The following ZNF540 variants were observed in gnomAD, a reference collection of about 807,000 sequenced individuals.
The protein encoded by ZNF540 is CTD-3064H18.6.
Under a neutral mutation model 11.8 loss-of-function variants are expected in ZNF540, and 3 were observed. The observed-to-expected ratio is 0.25, with a 90% CI of 0.12 to 0.65. The LOEUF is 0.65. Among genes scored for constraint, ZNF540 ranks in the 30% least tolerant of loss-of-function variants. The pLI, the probability that ZNF540 is intolerant of heterozygous loss-of-function variation, is 0.83. For synonymous variants in ZNF540, 247 were observed against 259.0 expected, an observed-to-expected ratio of 0.95 and a Z score of 0.45; for missense variants, 709 against 793.1, an observed-to-expected ratio of 0.89 and a Z score of 1.27.
At position 37,611,991 on chromosome 19, in the gene ZNF540, T is replaced by TG; in HGVS notation, c.711_712insG (p.Thr238AspfsTer3). ...AACTTACTCTGCATCAGAGATTTCA[T>TG]ACTGGTGAGAAACCCTATGAATGTC... On this transcript the variant is annotated frameshift_variant, in exon 5 of 5. Transcript: ENST00000316433. LOFTEE classifies it low-confidence loss of function (END_TRUNC). 6.2e-7 allele frequency: 1 copy of TG among 1,613,732 alleles called. No homozygotes were observed.
chr19:37,589,886 A>AAAAAAAAAC (rs1265931459), upstream of ZNF540, among the ~76,000 whole-genome samples: 6 of 149,932 alleles, frequency 4.0e-5, no homozygotes, highest in Non-Finnish European at 5.9e-5. Flanking sequence ...AAAAAAAAAA[A>AAAAAAAAAC]AGCACACTTG....
Position 37,612,933 on chromosome 19 carries a change from T to C in ZNF540, c.1653T>C (p.Tyr551=). Residue 551 remains tyrosine, a synonymous_variant, in exon 5 of 5, where the codon TAT becomes TAC. Transcript: ENST00000316433. ...HLKIHSGLKP[Y]DCKECGKSFS... ...AAATTCATTCTGGTTTAAAACCCTA[T>C]GACTGTAAAGAATGTGGGAAGTCCT... is the stretch of plus-strand genomic sequence containing the variant. 1 of 1,614,154 alleles carries C rather than the reference T, an allele frequency of 6.2e-7. No individual in the cohort carries two copies. Among genetic ancestry groups the C allele is most frequent in the Non-Finnish European group, 8.5e-7 (1 of 1,180,002 alleles).
intron 1 of ZNF540, among the ~76,000 whole-genome samples, chr19:37,596,226 T>A (rs1244510871): frequency 6.6e-6 from 1 of 152,228 alleles, no homozygotes; most frequent in Non-Finnish European, 1.5e-5. Flanking sequence ...TGTTTGAAGA[T>A]ATTCGCGTCA....
At chr19:37,611,195 AT>A (rs34748868) in intron 4 of ZNF540, 91,255 of 154,960 alleles carry the variant, frequency 0.59, 26,874 homozygotes, top group East Asian at 0.7. Context: ...CCAATTTTGT[AT>A]TTTTTTTTTT....
intron 1 of ZNF540, among the ~76,000 whole-genome samples, chr19:37,582,070 C>T (rs1427728174): frequency 6.6e-6 from 1 of 152,040 alleles, no homozygotes; most frequent in Non-Finnish European, 1.5e-5. Flanking sequence ...TTCTTAAAAC[C>T]TTCTAAAATA....
Position 37,612,346 on chromosome 19 carries a change from G to A in ZNF540, c.1066G>A (p.Glu356Lys), listed in dbSNP as rs1312355788. ...AATTCATACTGGTGTAAAACCCTACGAATGTAAGGAATGTGGAAAGACCTT... is the reference window on the plus strand; with the variant it reads ...AATTCATACTGGTGTAAAACCCTACAAATGTAAGGAATGTGGAAAGACCTT... ...QKIHTGVKPY[E>K]CKECGKTFRL... is the part of the protein sequence containing the mutation. Residue 356 changes from glutamate to lysine, a missense_variant, in exon 5 of 5, where the codon GAA (glutamate) becomes AAA (lysine). Glu to Lys is a moderately conservative substitution (Grantham distance 56, BLOSUM62 1). Coordinates refer to ENST00000316433, the MANE Select transcript of ZNF540 (RefSeq NM_001172225.3). 3 of 1,613,944 alleles carry A rather than the reference G, an allele frequency of 1.9e-6. No homozygotes were observed. The highest frequency in any genetic ancestry group is 1.7e-6 in the Non-Finnish European group (2 of 1,180,016).
At chr19:37,566,355 T>G (rs1360617658) in intron 1 of ZNF540, 1 of 1,493,476 alleles carries the variant, frequency 6.7e-7, no homozygotes, top group Non-Finnish European at 9.0e-7. Context: ...AATTCTATGG[T>G]AAAAATGATA....
intron 1 of ZNF540, among the ~76,000 whole-genome samples, chr19:37,573,397 G>T (rs1182011037): frequency 6.6e-6 from 1 of 152,186 alleles, no homozygotes; most frequent in African/African-American, 2.4e-5. Context: ...AGCAACTGGT[G>T]AATCTGCCCA....
At chr19:37,593,080 T>A (rs2043913103), upstream of ZNF540, among the ~76,000 whole-genome samples, 1 of 152,120 alleles carries the variant, frequency 6.6e-6, no homozygotes, top group South Asian at 2.1e-4. Flanking sequence ...ACCACGCTGT[T>A]ACACCAACAT....
intron 1 of ZNF540, among the ~76,000 whole-genome samples, chr19:37,568,042 C>T (rs1485648541): frequency 6.6e-6 from 1 of 152,132 alleles, no homozygotes; most frequent in Non-Finnish European, 1.5e-5. Flanking sequence ...CAAGTTTACA[C>T]AATAAAGATC....
At chr19:37,565,637 G>A (rs748070550) in intron 1 of ZNF540, 1 of 1,613,096 alleles carries the variant, frequency 6.2e-7, no homozygotes, top group Non-Finnish European at 8.5e-7. Flanking sequence ...AGTATATTGT[G>A]AACAATAACT....
chr19:37,594,122 C>T (rs1424392055), upstream of ZNF540: 2 of 152,248 alleles, frequency 1.3e-5, no homozygotes, highest in Non-Finnish European at 2.9e-5. Flanking sequence ...ACAGGGCTGT[C>T]AAGCTAGAAT....
At chr19:37,565,015 C>A in intron 1 of ZNF540, 1 of 1,613,800 alleles carries the variant, frequency 6.2e-7, no homozygotes, top group Non-Finnish European at 8.5e-7. Context: ...CATAATGTTT[C>A]TCACCATGAA....
At chr19:37,604,295 A>ATTTTTTTTTTTT (rs1491343746) in intron 4 of ZNF540, among the ~76,000 whole-genome samples, 8 of 33,906 alleles carry the variant, frequency 2.4e-4, no homozygotes, top group Non-Finnish European at 4.1e-4. Context: ...AAATAGCCTT[A>ATTTTTTTTTTTT]CTTTTTTTTT....
At chr19:37,591,261 A>G (rs1019540131), upstream of ZNF540, among the ~76,000 whole-genome samples, 5 of 152,196 alleles carry the variant, frequency 3.3e-5, no homozygotes, top group African/African-American at 4.8e-5. Context: ...GAAATGTAGA[A>G]GTTGATCTTG....
Position 37,613,278 on chromosome 19 carries a change from T to A in ZNF540, c.*15T>A, listed in dbSNP as rs1260196915. ...ATGTAATTTAATATAAGAAAAGGTT[T>A]CCATGTCATGCTCTATTTATAGAAT... is the stretch of plus-strand genomic sequence containing the variant. On this transcript the variant is annotated 3_prime_UTR_variant, in exon 5 of 5. Transcript: ENST00000316433. 2 of 1,452,704 alleles carry A rather than the reference T, an allele frequency of 1.4e-6. No individual in the cohort carries two copies. Among genetic ancestry groups the A allele is most frequent in the Non-Finnish European group, 1.8e-6 (2 of 1,094,344 alleles). 90.0% of individuals were successfully genotyped at this position (1,452,704 alleles called of 1,614,324 possible).
At chr19:37,578,574 C>T (rs1338943850) in intron 1 of ZNF540, among the ~76,000 whole-genome samples, 2 of 152,220 alleles carry the variant, frequency 1.3e-5, no homozygotes, top group East Asian at 1.9e-4. Context: ...CAGTGGAAGC[C>T]GCAGTCACAG....
chr19:37,559,657 A>G (rs923010869), intron 1 of ZNF540, among the ~76,000 whole-genome samples: 7 of 152,228 alleles, frequency 4.6e-5, no homozygotes, highest in African/African-American at 1.7e-4. Flanking sequence ...ACATACTGAA[A>G]ATATTTAGGG....
intron 1 of ZNF540, among the ~76,000 whole-genome samples, chr19:37,566,717 C>G (rs1050044900): frequency 8.5e-5 from 13 of 152,168 alleles, no homozygotes; most frequent in African/African-American, 2.7e-4. Context: ...GTCATAACCT[C>G]TTAGCTGGTT....
Sources: allele counts gnomAD v4.1 joint callset (sites outside exome capture counted in the v4.1 genomes callset), GRCh38; gene constraint gnomAD v4.1.1; transcripts MANE v1.5; gene names NCBI Gene and HGNC (gene_info 2026-07-23, HGNC 2026-07-21).